The following POC1B variants were observed in gnomAD, a reference collection of about 807,000 sequenced individuals.
The protein encoded by POC1B is POC1 centriolar protein B.
Under a neutral mutation model 60.6 loss-of-function variants are expected in POC1B, and 44 were observed. That is an observed-to-expected ratio of 0.73 (90% CI 0.57 to 0.93). The LOEUF (loss-of-function observed/expected upper bound fraction) is 0.93, where lower values mean the gene tolerates loss of function less well. Among genes scored for constraint, POC1B ranks in the 40% least tolerant of loss-of-function variants. The pLI is 0.00. For synonymous variants in POC1B, 180 were observed against 198.9 expected (o/e 0.90, Z 0.80); for missense variants, 555 against 572.3 (o/e 0.97, Z 0.31).
chr12:89,443,243 C>G (rs2120732448), intron 10 of POC1B, among the ~76,000 whole-genome samples: 1 of 152,282 alleles, frequency 6.6e-6, no homozygotes, highest in Non-Finnish European at 1.5e-5. Context: ...CAGCTCTGCA[C>G]CAAGTGGACC....
the POC1B span, among the ~76,000 whole-genome samples, chr12:89,410,462 C>T: frequency 7.9e-5 from 12 of 152,186 alleles, no homozygotes; most frequent in Admixed American, 2.6e-4. Context: ...GGCAGATCAA[C>T]GAGGTCAGGA....
At chr12:89,470,995 G>A (rs1398861337) in intron 6 of POC1B, among the ~76,000 whole-genome samples, 1 of 152,120 alleles carries the variant, frequency 6.6e-6, no homozygotes, top group Non-Finnish European at 1.5e-5. Context: ...TGTGTAAGCA[G>A]GAAGACCTAA....
At chr12:89,525,021 C>T in intron 2 of POC1B, 99 bp downstream of exon 2, 1 of 1,541,068 alleles carries the variant, frequency 6.5e-7, no homozygotes, top group South Asian at 1.2e-5. Flanking sequence ...CATACAGGCC[C>T]TTAGCCGTTC....
At chr12:89,470,524 TC>T in intron 6 of POC1B, 30 bp from the exon 7 acceptor site, 1 of 1,529,940 alleles carries the variant, frequency 6.5e-7, no homozygotes, top group South Asian at 1.2e-5. Context: ...AGCAAAAAGT[TC>T]AGAGAACAAT....
At chr12:89,405,625 G>A in the POC1B span, among the ~76,000 whole-genome samples, 1 of 152,122 alleles carries the variant, frequency 6.6e-6, no homozygotes, top group Non-Finnish European at 1.5e-5. Flanking sequence ...AAAAATAGTT[G>A]TTTAAGCCAT....
At chr12:89,524,635 T>C in intron 2 of POC1B, 1 of 1,406,614 alleles carries the variant, frequency 7.1e-7, no homozygotes, top group Non-Finnish European at 9.9e-7. Context: ...CGAGCTCAGG[T>C]ACTTCCCAGC....
chr12:89,512,178 C>T (rs1196780393), intron 2 of POC1B, among the ~76,000 whole-genome samples: 1 of 152,212 alleles, frequency 6.6e-6, no homozygotes, highest in Non-Finnish European at 1.5e-5. Context: ...TATGCAAGCA[C>T]TGCATAATAA....
intron 10 of POC1B, among the ~76,000 whole-genome samples, chr12:89,433,894 A>G (rs144920243): frequency 1.3e-5 from 2 of 152,356 alleles, no homozygotes; most frequent in East Asian, 3.9e-4. Flanking sequence ...GGAAACAGAA[A>G]AAGGAACTGC....
chr12:89,402,338 TACACACACAC>T, the POC1B span, among the ~76,000 whole-genome samples: 60 of 149,042 alleles, frequency 4.0e-4, no homozygotes, highest in East Asian at 1.6e-3. Flanking sequence ...TTATCACAAA[TACACACACAC>T]ACACACACAC....
intron 2 of POC1B, chr12:89,523,929 C>T: frequency 6.2e-7 from 1 of 1,611,262 alleles, no homozygotes; most frequent in East Asian, 2.2e-5. Context: ...GGGCCCTAAC[C>T]AGCCCCTCTC....
intron 11 of POC1B, among the ~76,000 whole-genome samples, chr12:89,424,490 C>G (rs552415776): frequency 2.0e-5 from 3 of 152,172 alleles, no homozygotes; most frequent in South Asian, 2.1e-4. Flanking sequence ...TTGCTACTGT[C>G]CACTCTGACA....
chr12:89,462,589 A>G (rs1384501813), intron 9 of POC1B, among the ~76,000 whole-genome samples: 2 of 152,206 alleles, frequency 1.3e-5, no homozygotes, highest in African/African-American at 2.4e-5. Context: ...TCACTGCTGC[A>G]TACTCTAAAG....
At position 89,420,817 on chromosome 12, in the gene POC1B, G is replaced by A; in HGVS notation, c.*336C>T. ...AAATGACTTAACAGTGAAATCCAGA[G>A]ATCTGGTTACTTTCCTGGCAGGATT... On this transcript the variant is annotated 3_prime_UTR_variant, in exon 12 of 12. Transcript: ENST00000313546. The A allele has an allele frequency of 5.0e-6, 1 of 201,946 alleles. No homozygotes were observed. The highest frequency in any genetic ancestry group is 1.1e-4 in the East Asian group (1 of 9,078). The allele number at this position is 201,946 out of a possible 1,614,324, so 12.5% of individuals were successfully genotyped here.
Position 89,443,716 on chromosome 12 carries a change from A to G in POC1B, c.1113+15922T>C, listed in dbSNP as rs1592590434. ...GAACTAGAGAAGCAAGAGCAAACAC[A>G]TTCAAAAGCTAGCAGAAGGCAAGAA... is the stretch of plus-strand genomic sequence containing the variant. On this transcript the variant is annotated intron_variant, in intron 10 of 11. Transcript: ENST00000313546. 2.6e-5 allele frequency among the ~76,000 whole-genome samples: 4 copies of G among 151,728 alleles called. No homozygotes were observed. The South Asian group carries it at 8.4e-4, about 32-fold the overall frequency.
In POC1B at chr12:89,432,383, TAAAAAAAAAAAAA is replaced by T. The variant is rs57839375; in HGVS notation, c.1114-7017_1114-7005del. ...GCCTGGGCAACGAGACTCTGTTTCTTAAAAAAAAAAAAAAAAAAAAAAAAAAAAAAGCCTTAAC... is the reference window on the plus strand; with the variant it reads ...GCCTGGGCAACGAGACTCTGTTTCTTAAAAAAAAAAAAAAAAAGCCTTAAC... On this transcript the variant is annotated intron_variant, in intron 10 of 11. Coordinates refer to ENST00000313546, the MANE Select transcript of POC1B (RefSeq NM_172240.3). Among the ~76,000 whole-genome samples the T allele has an allele frequency of 6.2e-5, 2 of 32,048 alleles. 1 individual carries two copies. Among genetic ancestry groups the T allele is most frequent in the African/African-American group, 2.7e-4 (2 of 7,464 alleles). 21.0% of individuals were successfully genotyped at this position (32,048 alleles called of 152,430 possible). A position where few individuals can be genotyped will look rare whatever the true frequency, so the allele number is the denominator to read the frequency against.
downstream of POC1B, among the ~76,000 whole-genome samples, chr12:89,415,535 C>T (rs1880348995): frequency 6.6e-6 from 1 of 151,224 alleles, no homozygotes; most frequent in African/African-American, 2.4e-5. Context: ...CCCAGCTACT[C>T]GGGAGGCTGA....
At chr12:89,525,803 C>T in intron 1 of POC1B, 78 bp downstream of exon 1, 1 of 1,383,706 alleles carries the variant, frequency 7.2e-7, no homozygotes. Context: ...CCAGGTGCGG[C>T]TTCGGCCCGG....
Position 89,435,848 on chromosome 12 carries a change from TGAA to T in POC1B, c.1114-10472_1114-10470del, listed in dbSNP as rs923995085. Among the ~76,000 whole-genome samples, 6 of 152,240 alleles carry T rather than the reference TGAA, an allele frequency of 3.9e-5. No homozygotes were observed. In the Middle Eastern group the frequency reaches 0.01, roughly 261 times the overall value. On this transcript the variant is annotated intron_variant, in intron 10 of 11. Coordinates refer to ENST00000313546, the MANE Select transcript of POC1B (RefSeq NM_172240.3). ...TTCTTTTACTTTATAATCAGAATGA[TGAA>T]GAATTATGATAATATATCTTTTCTC... is the stretch of plus-strand genomic sequence containing the variant.
chr12:89,406,375 T>C, the POC1B span, among the ~76,000 whole-genome samples: 1 of 152,218 alleles, frequency 6.6e-6, no homozygotes, highest in African/African-American at 2.4e-5. Flanking sequence ...AATACTGTTC[T>C]AATCATATTG....
Sources: gnomAD v4.1 joint callset for allele counts (sites outside exome capture counted in the v4.1 genomes callset) on GRCh38, gnomAD v4.1.1 for gene constraint, MANE v1.5 for transcripts, NCBI Gene and HGNC (gene_info 2026-07-23, HGNC 2026-07-21) for gene names.